Variants in OTOGL observed in about 807,000 individuals in gnomAD.
The protein encoded by OTOGL is otogelin like.
A neutral mutation model predicts 318.5 loss-of-function variants in OTOGL; 285 were observed. That is an observed-to-expected ratio of 0.89 (90% CI 0.81 to 0.99). The LOEUF is 0.99. Among genes scored for constraint, OTOGL ranks in the 50% least tolerant of loss-of-function variants. The pLI is 0.00. For missense variants in OTOGL, 2,899 were observed against 2,845.6 expected (o/e 1.02, Z -0.43); for synonymous variants, 987 against 936.5 (o/e 1.05, Z -0.99).
intron 4 of OTOGL, among the ~76,000 whole-genome samples, chr12:80,213,579 G>GAATGGA (rs1161624281): frequency 1.3e-5 from 2 of 152,178 alleles, no homozygotes; most frequent in African/African-American, 2.4e-5. Context: ...GTTGTCTATG[G>GAATGGA]AATGGAAATA....
chr12:80,356,070 C>A, intron 47 of OTOGL, 122 bp downstream of exon 47: 1 of 1,126,022 alleles, frequency 8.9e-7, no homozygotes, highest in Non-Finnish European at 1.3e-6. Context: ...GTCATTTTCT[C>A]AAAGCAAGTT....
chr12:80,353,435 G>C lies in OTOGL; in HGVS notation c.5518G>C (p.Glu1840Gln), dbSNP rs1259827721. ...ACACACTTCCTGTTTGAATCTAAGA[G>C]AAGACTGTGTGTGCAAAGTTGGAAC... ...YGHTSCLNLR[E>Q]DCVCKVGTIL... The change falls in exon 46 of 59, where the codon GAA becomes CAA. Residue 1840 changes from glutamate (E) to glutamine (Q), a missense_variant. Physicochemically the swap from Glu to Gln is conservative, Grantham distance 29. Around this residue, in one of 3 missense-constraint regions of OTOGL, gnomAD observed 2,607 missense variants for 2,524.9 expected, o/e 1.03. Transcript: ENST00000547103. 6.2e-7 allele frequency: 1 copy of C among 1,604,142 alleles called. No homozygotes were observed. The highest frequency in any genetic ancestry group is 1.7e-5 in the Admixed American group (1 of 58,770).
chr12:80,266,163 T>A lies in OTOGL; in HGVS notation c.2225-288T>A, dbSNP rs1407298058. The A allele has an allele frequency of 2.6e-5, 8 of 313,582 alleles. No individual in the cohort carries two copies. In the South Asian group the frequency reaches 3.7e-4, roughly 15 times the overall value. 19.4% of individuals were successfully genotyped at this position (313,582 alleles called of 1,614,324 possible). ...ATACTACAAGGGCAGAATTGAGTAG[T>A]TGTCACTCAATTCAACATATATAGT... On this transcript the variant is annotated intron_variant, in intron 20 of 58. Coordinates refer to ENST00000547103, the MANE Select transcript of OTOGL (RefSeq NM_001378609.3).
At position 80,126,943 on chromosome 12, in the gene OTOGL, A is replaced by G. The variant is rs191089689; in HGVS notation, c.-20+27338A>G. ...TTTGAGCCTACGTGTGTCTCTGCAC[A>G]TGAGATGGGTTTCCTGAATACAGCA... On this transcript the variant is annotated intron_variant, in intron 1 of 58. Transcript: ENST00000547103. 7.6e-3 allele frequency among the ~76,000 whole-genome samples: 1,154 copies of G among 152,210 alleles called. 15 individuals are homozygous for G. Among genetic ancestry groups the G allele is most frequent in the African/African-American group, 0.026 (1,096 of 41,544 alleles).
Position 80,113,941 on chromosome 12 carries a change from C to CT in OTOGL, c.-20+14345dup, listed in dbSNP as rs1050460936. Reference sequence around the variant, plus strand: ...TATGAGACTAGGATTGCAACACCTGCTTTTTTTTTCCTTTCACTTTCTTGG... The same window carrying CT: ...TATGAGACTAGGATTGCAACACCTGCTTTTTTTTTTCCTTTCACTTTCTTGG... On this transcript the variant is annotated intron_variant, in intron 1 of 58. Transcript: ENST00000547103. 4.2e-3 allele frequency among the ~76,000 whole-genome samples: 632 copies of CT among 151,238 alleles called. 4 individuals are homozygous for CT. Among genetic ancestry groups the CT allele is most frequent in the African/African-American group, 0.015 (600 of 41,226 alleles).
intron 29 of OTOGL, among the ~76,000 whole-genome samples, chr12:80,309,370 AT>A (rs1201218385): frequency 9.2e-5 from 14 of 152,188 alleles, no homozygotes; most frequent in African/African-American, 3.1e-4. Context: ...GGTGAATCTT[AT>A]AAGATTTATA....
chr12:80,347,883 T>G (rs1254673137), intron 44 of OTOGL, among the ~76,000 whole-genome samples: 2 of 152,180 alleles, frequency 1.3e-5, no homozygotes, highest in African/African-American at 4.8e-5. Context: ...GTGCTGAACC[T>G]TTTTTTCATA....
chr12:80,208,330 T>C (rs1463849944), intron 1 of OTOGL: 1 of 436,574 alleles, frequency 2.3e-6, no homozygotes, highest in African/African-American at 2.1e-5. Flanking sequence ...GAATACTTAA[T>C]AGAAAAGACT....
At chr12:80,316,338 C>G (rs1886970760) in intron 32 of OTOGL, among the ~76,000 whole-genome samples, 1 of 152,170 alleles carries the variant, frequency 6.6e-6, no homozygotes, top group Non-Finnish European at 1.5e-5. Flanking sequence ...ACACCCAGTT[C>G]TGTTATGACA....
At chr12:80,339,300 T>TTTC in intron 43 of OTOGL, 36 bp downstream of exon 43, 5 of 614,496 alleles carry the variant, frequency 8.1e-6, no homozygotes, top group Non-Finnish European at 4.4e-6. Flanking sequence ...TTTCGTCTGT[T>TTTC]TTTTTTTTTT....
At chr12:80,202,928 T>C (rs1021857043) in intron 1 of OTOGL, among the ~76,000 whole-genome samples, 1 of 152,210 alleles carries the variant, frequency 6.6e-6, no homozygotes, top group Non-Finnish European at 1.5e-5. Flanking sequence ...TCTCCACTTC[T>C]GCTGGACCAC....
chr12:80,357,298 AG>A (rs2138029752), intron 49 of OTOGL, among the ~76,000 whole-genome samples: 1 of 152,290 alleles, frequency 6.6e-6, no homozygotes, highest in South Asian at 2.1e-4. Flanking sequence ...ATCATGTTTG[AG>A]GTATGATGAT....
intron 9 of OTOGL, among the ~76,000 whole-genome samples, chr12:80,234,299 T>G (rs1879649350): frequency 6.6e-6 from 1 of 152,208 alleles, no homozygotes. Flanking sequence ...CTGTCAGGGT[T>G]GGATTACAGA....
chr12:80,202,568 C>T (rs1022199141), intron 1 of OTOGL, among the ~76,000 whole-genome samples: 9 of 152,206 alleles, frequency 5.9e-5, no homozygotes, highest in African/African-American at 2.2e-4. Flanking sequence ...CCACCGCGCC[C>T]AGCCTGTCTG....
At chr12:80,193,286 G>A (rs1875822984) in intron 1 of OTOGL, among the ~76,000 whole-genome samples, 6 of 152,170 alleles carry the variant, frequency 3.9e-5, no homozygotes, top group Admixed American at 3.9e-4. Flanking sequence ...GGGAGGCTGT[G>A]GTGGGCAGAT....
intron 2 of OTOGL, 68 bp downstream of exon 2, chr12:80,209,578 T>A: frequency 9.1e-7 from 1 of 1,093,162 alleles, no homozygotes; most frequent in Non-Finnish European, 1.3e-6. Context: ...TTTATACAAA[T>A]AGTTTTCCCT....
At chr12:80,204,212 A>C (rs896517898) in intron 1 of OTOGL, among the ~76,000 whole-genome samples, 1 of 152,172 alleles carries the variant, frequency 6.6e-6, no homozygotes, top group African/African-American at 2.4e-5. Context: ...TTATGTTTTC[A>C]TACTGATTTG....
chr12:80,212,313 A>C lies in OTOGL; in HGVS notation c.168+316A>C, dbSNP rs1325217918. On this transcript the variant is annotated intron_variant, in intron 4 of 58. Coordinates refer to ENST00000547103, the MANE Select transcript of OTOGL (RefSeq NM_001378609.3). ...TAGAAGTAGTTTAAAAATTAAGCACAATATCAGTTAGGACAATGACAACAG... is the reference window on the plus strand; with the variant it reads ...TAGAAGTAGTTTAAAAATTAAGCACCATATCAGTTAGGACAATGACAACAG... 3.3e-5 allele frequency among the ~76,000 whole-genome samples: 5 copies of C among 152,304 alleles called. No individual in the cohort carries two copies. The East Asian group carries it at 9.6e-4, about 29-fold the overall frequency.
At chr12:80,223,791 G>A (rs1386441696) in intron 7 of OTOGL, among the ~76,000 whole-genome samples, 2 of 151,552 alleles carry the variant, frequency 1.3e-5, no homozygotes, top group African/African-American at 4.8e-5. Flanking sequence ...TTTTTTTCTT[G>A]CTAATTTGTT....
Sources: allele counts gnomAD v4.1 joint callset (sites outside exome capture counted in the v4.1 genomes callset), GRCh38; gene constraint gnomAD v4.1.1; regional missense constraint gnomAD v4.1.1; transcripts MANE v1.5; gene names NCBI Gene and HGNC (gene_info 2026-07-23, HGNC 2026-07-21).